THSD4: variants seen among roughly 807,000 people sequenced by gnomAD.
THSD4 encodes the protein thrombospondin type 1 domain containing 4.
In THSD4, 69 loss-of-function variants were observed where a neutral mutation model predicts 119.0. That is an observed-to-expected ratio of 0.58 (90% CI 0.48 to 0.71). The LOEUF (loss-of-function observed/expected upper bound fraction) is 0.71, where lower values mean the gene tolerates loss of function less well. Among genes scored for constraint, THSD4 ranks in the 30% least tolerant of loss-of-function variants. THSD4 has a pLI of 0.00. For synonymous variants in THSD4, 524 were observed against 540.4 expected (o/e 0.97, Z 0.42); for missense variants, 1,393 against 1,391.1 (o/e 1.00, Z -0.02).
At chr15:71,359,841 C>T (rs2045868620) in intron 6 of THSD4, among the ~76,000 whole-genome samples, 1 of 143,402 alleles carries the variant, frequency 7.0e-6, no homozygotes, top group South Asian at 2.2e-4. Context: ...GTCTCAAAAA[C>T]AAGCAAACAA....
intron 2 of THSD4, among the ~76,000 whole-genome samples, chr15:71,148,741 T>C (rs1433226079): frequency 6.6e-6 from 1 of 152,184 alleles, no homozygotes; most frequent in Non-Finnish European, 1.5e-5. Flanking sequence ...ATGCTTGTTT[T>C]GTAAAAATGT....
intron 6 of THSD4, among the ~76,000 whole-genome samples, chr15:71,407,229 A>G (rs999252682): frequency 1.3e-5 from 2 of 152,140 alleles, no homozygotes; most frequent in Non-Finnish European, 2.9e-5. Flanking sequence ...TCTTAGAGAT[A>G]GTTGTCCCGG....
intron 7 of THSD4, among the ~76,000 whole-genome samples, chr15:71,419,273 G>A (rs1223179416): frequency 9.5e-6 from 1 of 105,344 alleles, no homozygotes. Flanking sequence ...CATGATCACA[G>A]CTCACTGCAG....
At chr15:71,252,571 G>C (rs2044271631) in intron 5 of THSD4, among the ~76,000 whole-genome samples, 2 of 152,190 alleles carry the variant, frequency 1.3e-5, no homozygotes, top group African/African-American at 4.8e-5. Flanking sequence ...CACAGTTATG[G>C]CTCTCTTGTC....
chr15:71,774,803 G>T (rs2053885174), intron 17 of THSD4, among the ~76,000 whole-genome samples: 1 of 151,524 alleles, frequency 6.6e-6, no homozygotes, highest in African/African-American at 2.4e-5. Context: ...AGGGCTTAAT[G>T]AATTGTGTAG....
At chr15:71,517,920 C>G (rs1204284980) in intron 7 of THSD4, among the ~76,000 whole-genome samples, 1 of 152,210 alleles carries the variant, frequency 6.6e-6, no homozygotes, top group Non-Finnish European at 1.5e-5. Flanking sequence ...CATAAGGTTA[C>G]TGGAGGTCCC....
At chr15:71,235,583 CTTTTTTTT>C (rs1555457033) in intron 4 of THSD4, among the ~76,000 whole-genome samples, 1 of 127,314 alleles carries the variant, frequency 7.9e-6, no homozygotes, top group Non-Finnish European at 1.7e-5. Flanking sequence ...CCACCTCTCT[CTTTTTTTT>C]TTTTTTTTTT....
chr15:71,591,807 G>T (rs574755882), intron 7 of THSD4, among the ~76,000 whole-genome samples: 1 of 152,026 alleles, frequency 6.6e-6, no homozygotes, highest in African/African-American at 2.4e-5. Flanking sequence ...AAAAAAGTGG[G>T]TATATAACAA....
At chr15:71,397,726 C>T (rs2046471617) in intron 6 of THSD4, among the ~76,000 whole-genome samples, 1 of 152,186 alleles carries the variant, frequency 6.6e-6, no homozygotes, top group Non-Finnish European at 1.5e-5. Flanking sequence ...AATTTGAATC[C>T]TGGTGGCTCT....
Position 71,757,939 on chromosome 15 carries a change from C to T in THSD4, c.2453C>T (p.Ser818Leu), listed in dbSNP as rs766502435. Reference sequence around the variant, plus strand: ...TGTGGGGCCGGAGTGCGGACACGCTCGGTGGTGTGCATGACCAACCATGTC... The same window carrying T: ...TGTGGGGCCGGAGTGCGGACACGCTTGGTGGTGTGCATGACCAACCATGTC... ...AECGAGVRTR[S>L]VVCMTNHVSS... Residue 818 changes from serine (S) to leucine (L), a missense_variant, in exon 15 of 18, where the codon TCG (serine) becomes TTG (leucine). Physicochemically the swap from Ser to Leu is moderately radical, Grantham distance 145. Coordinates refer to ENST00000261862, the MANE Select transcript of THSD4 (RefSeq NM_024817.3). 2.5e-5 allele frequency: 40 copies of T among 1,613,890 alleles called. No homozygotes were observed. The African/African-American group carries it at 3.5e-4, about 14-fold the overall frequency.
intron 7 of THSD4, among the ~76,000 whole-genome samples, chr15:71,558,186 G>A (rs2049050089): frequency 6.6e-6 from 1 of 152,170 alleles, no homozygotes; most frequent in Admixed American, 6.5e-5. Context: ...AAATTAACCA[G>A]GCATGGTGGC....
chr15:71,280,859 A>G (rs576733208), intron 6 of THSD4, among the ~76,000 whole-genome samples: 1 of 152,332 alleles, frequency 6.6e-6, no homozygotes, highest in Non-Finnish European at 1.5e-5. Context: ...TACATTACTG[A>G]AGGCTGTGAA....
rs781318990 is a variant in THSD4, at chr15:71,777,219, T to G, written c.2915-13T>G. On this transcript the variant is annotated splice_polypyrimidine_tract_variant and intron_variant, in intron 17 of 17. Transcript: ENST00000261862. ...TGCTCAGGGAGTCTTCTGTTCATTCTCTTTCGCTACAGATGAAAACTGCAA... is the reference window on the plus strand; with the variant it reads ...TGCTCAGGGAGTCTTCTGTTCATTCGCTTTCGCTACAGATGAAAACTGCAA... 1 of 1,614,186 alleles carries G rather than the reference T, an allele frequency of 6.2e-7. No individual in the cohort carries two copies.
chr15:71,564,827 TATATATTGTATATTATAACATATAATACA>T, intron 7 of THSD4, among the ~76,000 whole-genome samples: 1 of 10,018 alleles, frequency 1.0e-4, no homozygotes, highest in Non-Finnish European at 5.0e-4. Context: ...CATATAATAC[TATATATTGTATATTATAACATATAATACA>T]ATATATTGTA....
At chr15:71,648,188 C>T (rs1010926666) in intron 7 of THSD4, among the ~76,000 whole-genome samples, 1 of 152,182 alleles carries the variant, frequency 6.6e-6, no homozygotes, top group Non-Finnish European at 1.5e-5. Flanking sequence ...GTAATTCTTA[C>T]CTCCTGGTGT....
chr15:71,263,328 A>G (rs1596302564), intron 6 of THSD4, among the ~76,000 whole-genome samples: 2 of 13,782 alleles, frequency 1.5e-4, no homozygotes, highest in South Asian at 5.8e-3. Context: ...ATAGTATTCC[A>G]TGGTATATAT....
intron 7 of THSD4, among the ~76,000 whole-genome samples, chr15:71,584,009 G>A (rs981320463): frequency 2.4e-4 from 37 of 152,002 alleles, no homozygotes; most frequent in Admixed American, 6.6e-4. Flanking sequence ...GGGTACTAAA[G>A]GCCCCTATTA....
chr15:71,718,479 A>C (rs926239074), intron 8 of THSD4, among the ~76,000 whole-genome samples: 1 of 152,170 alleles, frequency 6.6e-6, no homozygotes, highest in African/African-American at 2.4e-5. Flanking sequence ...TGTTTGTGTC[A>C]TGAATGAACT....
rs1449385560 is a variant in THSD4, at chr15:71,416,687, T to G, written c.1152+4864T>G. 2.9e-5 allele frequency among the ~76,000 whole-genome samples: 3 copies of G among 103,696 alleles called. 1 individual carries two copies. The highest frequency in any genetic ancestry group is 6.2e-5 in the Non-Finnish European group (3 of 48,680). 68.0% of individuals were successfully genotyped at this position (103,696 alleles called of 152,430 possible). A position where few individuals can be genotyped will look rare whatever the true frequency, so the allele number is the denominator to read the frequency against. ...TCGCTTGCCCATTTTATTTATTTTATTTTGTTTCATTTTATTTTATTTTAT... is the reference window on the plus strand; with the variant it reads ...TCGCTTGCCCATTTTATTTATTTTAGTTTGTTTCATTTTATTTTATTTTAT... On this transcript the variant is annotated intron_variant, in intron 7 of 17. Coordinates refer to ENST00000261862, the MANE Select transcript of THSD4 (RefSeq NM_024817.3).
Sources: allele counts gnomAD v4.1 joint callset (sites outside exome capture counted in the v4.1 genomes callset), GRCh38; gene constraint gnomAD v4.1.1; transcripts MANE v1.5; gene names NCBI Gene and HGNC (gene_info 2026-07-23, HGNC 2026-07-21).